The following COX7B2 variants were observed in gnomAD, a reference collection of about 807,000 sequenced individuals.
COX7B2 encodes the protein cytochrome c oxidase subunit 7B2, also known as cytochrome c oxidase subunit 7B2, mitochondrial.
For missense variants in COX7B2, 109 were observed against 95.9 expected (o/e 1.14, Z -0.57); for synonymous variants, 37 against 32.1 (o/e 1.15, Z -0.51).
intron 2 of COX7B2, among the ~76,000 whole-genome samples, chr4:46,767,893 G>A (rs149924549): frequency 6.6e-6 from 1 of 152,318 alleles, no homozygotes; most frequent in Non-Finnish European, 1.5e-5. Context: ...ACCCTTGAAG[G>A]TGTGGCTCCC....
At chr4:46,760,009 A>C (rs1165721701) in intron 2 of COX7B2, among the ~76,000 whole-genome samples, 1 of 152,000 alleles carries the variant, frequency 6.6e-6, no homozygotes. Flanking sequence ...TATTACCGTA[A>C]CAGAAACAAG....
chr4:46,875,275 C>T (rs1443179445), intron 1 of COX7B2, among the ~76,000 whole-genome samples: 2 of 152,058 alleles, frequency 1.3e-5, no homozygotes, highest in Non-Finnish European at 2.9e-5. Flanking sequence ...GCAGGTAAAA[C>T]ATTGGATTTT....
intron 2 of COX7B2, among the ~76,000 whole-genome samples, chr4:46,748,839 G>A (rs961120198): frequency 6.6e-6 from 1 of 151,906 alleles, no homozygotes; most frequent in African/African-American, 2.4e-5. Context: ...ATCTATTTTT[G>A]CTTTTTATGT....
intron 2 of COX7B2, among the ~76,000 whole-genome samples, chr4:46,751,803 T>C (rs999971565): frequency 2.1e-5 from 3 of 141,238 alleles, no homozygotes; most frequent in African/African-American, 7.6e-5. Flanking sequence ...TACCATGCTG[T>C]TGTTGTTACT....
intron 1 of COX7B2, among the ~76,000 whole-genome samples, chr4:46,873,719 G>A (rs1017291601): frequency 7.2e-5 from 11 of 151,930 alleles, no homozygotes; most frequent in South Asian, 4.1e-4. Context: ...TGTGCACAAC[G>A]TGCAGGTTTG....
intron 2 of COX7B2, among the ~76,000 whole-genome samples, chr4:46,768,522 A>T (rs1716685456): frequency 6.6e-6 from 1 of 152,150 alleles, no homozygotes; most frequent in Non-Finnish European, 1.5e-5. Flanking sequence ...TGAAGTTCTA[A>T]TTTAGGGCCA....
chr4:46,796,302 G>GACAC (rs1718338330), intron 2 of COX7B2, among the ~76,000 whole-genome samples: 1 of 148,554 alleles, frequency 6.7e-6, no homozygotes, highest in African/African-American at 2.6e-5. Flanking sequence ...AATGCTTCCA[G>GACAC]TTTTTGCCCA....
At chr4:46,884,642 T>C (rs1457272562) in intron 1 of COX7B2, among the ~76,000 whole-genome samples, 1 of 152,228 alleles carries the variant, frequency 6.6e-6, no homozygotes, top group Non-Finnish European at 1.5e-5. Flanking sequence ...GGAGGAATAC[T>C]GTCATATTCA....
intron 2 of COX7B2, among the ~76,000 whole-genome samples, chr4:46,737,977 A>G (rs1305535634): frequency 2.0e-5 from 3 of 152,184 alleles, no homozygotes; most frequent in Admixed American, 2.0e-4. Context: ...TCAAGATATT[A>G]AAAAATGTTT....
chr4:46,847,479 A>T (rs910981474), intron 1 of COX7B2, among the ~76,000 whole-genome samples: 2 of 152,070 alleles, frequency 1.3e-5, no homozygotes, highest in African/African-American at 4.8e-5. Flanking sequence ...AAGCATTCGG[A>T]TGATATCCCA....
At position 46,770,029 on chromosome 4, in the gene COX7B2, T is replaced by C. The variant is rs192977666; in HGVS notation, c.-49-34788A>G. Reference sequence around the variant, plus strand: ...AACTGAGCAAGAGGAAGTGATAAAATGCATCCAAATCAGAAGGAAAAAATT... The same window carrying C: ...AACTGAGCAAGAGGAAGTGATAAAACGCATCCAAATCAGAAGGAAAAAATT... On this transcript the variant is annotated intron_variant, in intron 2 of 2. Transcript: ENST00000355591. 1.1e-4 allele frequency among the ~76,000 whole-genome samples: 16 copies of C among 152,196 alleles called. No individual in the cohort carries two copies. The East Asian group carries it at 2.1e-3, about 20-fold the overall frequency.
intron 2 of COX7B2, among the ~76,000 whole-genome samples, chr4:46,822,726 C>A (rs891621377): frequency 8.5e-5 from 13 of 152,082 alleles, no homozygotes; most frequent in Non-Finnish European, 1.5e-4. Context: ...CAATGTATTT[C>A]ATGGGCCTAT....
chr4:46,779,909 T>C (rs1717352332), intron 2 of COX7B2, among the ~76,000 whole-genome samples: 1 of 152,178 alleles, frequency 6.6e-6, no homozygotes, highest in African/African-American at 2.4e-5. Flanking sequence ...TTCTAATAAA[T>C]AATTCACTAT....
chr4:46,743,026 C>T (rs149773718), intron 2 of COX7B2, among the ~76,000 whole-genome samples: 62 of 152,262 alleles, frequency 4.1e-4, no homozygotes, highest in African/African-American at 1.5e-3. Flanking sequence ...CAACTATACT[C>T]ACTCTTTTTC....
At chr4:46,876,237 G>A (rs1228046624) in intron 1 of COX7B2, among the ~76,000 whole-genome samples, 2 of 151,828 alleles carry the variant, frequency 1.3e-5, no homozygotes, top group Non-Finnish European at 2.9e-5. Flanking sequence ...ACATGCATGG[G>A]GCAAATCTAT....
intron 2 of COX7B2, among the ~76,000 whole-genome samples, chr4:46,828,630 C>G (rs1228402412): frequency 6.6e-6 from 1 of 151,818 alleles, no homozygotes; most frequent in Non-Finnish European, 1.5e-5. Flanking sequence ...CAGGCAATAA[C>G]GAAAAGAAGA....
intron 1 of COX7B2, among the ~76,000 whole-genome samples, chr4:46,859,280 C>T (rs180776807): frequency 2.6e-5 from 4 of 152,246 alleles, no homozygotes; most frequent in African/African-American, 9.6e-5. Context: ...ACAGCTTCTT[C>T]CAAACATTTC....
rs377415792 is a variant in COX7B2, at chr4:46,752,630, G to C, written c.-49-17389C>G. 2.2e-4 allele frequency among the ~76,000 whole-genome samples: 33 copies of C among 152,132 alleles called. No homozygotes were observed. In the Middle Eastern group the frequency reaches 0.014, roughly 63 times the overall value. On this transcript the variant is annotated intron_variant, in intron 2 of 2. Coordinates refer to ENST00000355591, the MANE Select transcript of COX7B2 (RefSeq NM_130902.3). ...TTTATTGAGAGTTTTTAGCATAAAG[G>C]GCTGTTGAATTTTGTCAAAAGCCTT...
chr4:46,858,932 C>A (rs781736487), intron 1 of COX7B2, among the ~76,000 whole-genome samples: 12 of 152,172 alleles, frequency 7.9e-5, no homozygotes, highest in Non-Finnish European at 1.8e-4. Context: ...GAGATTAATG[C>A]TTCTTATTGC....
Sources: allele counts gnomAD v4.1 joint callset (sites outside exome capture counted in the v4.1 genomes callset), GRCh38; gene constraint gnomAD v4.1.1; transcripts MANE v1.5; gene names NCBI Gene and HGNC (gene_info 2026-07-23, HGNC 2026-07-21).